The following GALNT14 variants were observed in gnomAD, a reference collection of about 807,000 sequenced individuals.
GALNT14 encodes the protein polypeptide N-acetylgalactosaminyltransferase 14, also known as UDP-GalNAc:polypeptide N-acetylgalactosaminyltransferase 14.
In GALNT14, 60 loss-of-function variants were observed where a neutral mutation model predicts 77.5. The ratio of observed to expected loss-of-function variants is 0.77; its 90% CI spans 0.63 to 0.96. GALNT14 has a LOEUF of 0.96. GALNT14 is among the 40% of genes least tolerant of loss of function. The pLI, the probability that GALNT14 is intolerant of heterozygous loss-of-function variation, is 0.00. For synonymous variants in GALNT14, 280 were observed against 281.7 expected, an observed-to-expected ratio of 0.99 and a Z score of 0.06; for missense variants, 710 against 731.0, an observed-to-expected ratio of 0.97 and a Z score of 0.33.
At chr2:31,052,521 G>A (rs1223620114) in intron 1 of GALNT14, among the ~76,000 whole-genome samples, 3 of 152,122 alleles carry the variant, frequency 2.0e-5, no homozygotes, top group Admixed American at 6.5e-5. Context: ...GGCCTCCTGC[G>A]GGACACCAGA....
In GALNT14 at chr2:30,985,874, T is replaced by C. The variant is rs376064245; in HGVS notation, c.299+6964A>G. ...CTAACGCTGTGCTGAGCTAGTGGAA[T>C]AGCCTTGACTCTGAGGGAATATGAA... On this transcript the variant is annotated intron_variant, in intron 2 of 14. Coordinates refer to ENST00000349752, the MANE Select transcript of GALNT14 (RefSeq NM_024572.4). Among the ~76,000 whole-genome samples, 49 of 152,314 alleles carry C rather than the reference T, an allele frequency of 3.2e-4. 1 individual carries two copies. The East Asian group carries it at 5.0e-3, about 16-fold the overall frequency.
At chr2:31,020,632 C>G (rs1323480876) in intron 1 of GALNT14, among the ~76,000 whole-genome samples, 1 of 152,206 alleles carries the variant, frequency 6.6e-6, no homozygotes, top group African/African-American at 2.4e-5. Context: ...AATGGCCTCC[C>G]CAAGCCCAGT....
rs11314175 is a variant in GALNT14, at chr2:30,977,092, C to CTTTTTTTTTTTTTTTTTTTT, written c.300-10791_300-10790insAAAAAAAAAAAAAAAAAAAA. Among the ~76,000 whole-genome samples, 55 of 135,126 alleles carry CTTTTTTTTTTTTTTTTTTTT rather than the reference C, an allele frequency of 4.1e-4. 6 individuals are homozygous for CTTTTTTTTTTTTTTTTTTTT. The highest frequency in any genetic ancestry group is 1.5e-3 in the African/African-American group (48 of 32,574). The allele number at this position is 135,126 out of a possible 152,430, so 88.6% of individuals were successfully genotyped here. A position where few individuals can be genotyped will look rare whatever the true frequency, so the allele number is the denominator to read the frequency against. The stretch of plus-strand genomic sequence containing the variant: ...CTTTATTCCATATTGGCTTTTCTGT[C>CTTTTTTTTTTTTTTTTTTTT]TTTTTTTTTTTTTTTGAGACAGGGT... On this transcript the variant is annotated intron_variant, in intron 2 of 14. Transcript: ENST00000349752.
chr2:31,044,608 T>A (rs1182409329), intron 1 of GALNT14, among the ~76,000 whole-genome samples: 1 of 152,104 alleles, frequency 6.6e-6, no homozygotes, highest in East Asian at 1.9e-4. Context: ...TGCTTTTGGA[T>A]AGACAGAAGT....
chr2:31,047,049 G>T (rs1441539281), intron 1 of GALNT14, among the ~76,000 whole-genome samples: 2 of 152,144 alleles, frequency 1.3e-5, no homozygotes, highest in African/African-American at 4.8e-5. Context: ...CTCCTGTGTG[G>T]GGTGTAATCT....
chr2:31,063,466 T>C (rs1420507990), intron 1 of GALNT14, among the ~76,000 whole-genome samples: 1 of 152,218 alleles, frequency 6.6e-6, no homozygotes, highest in Non-Finnish European at 1.5e-5. Flanking sequence ...ACTGTAATCT[T>C]GTAGTATAGT....
chr2:31,108,225 T>C (rs1407717868), intron 1 of GALNT14, among the ~76,000 whole-genome samples: 1 of 152,070 alleles, frequency 6.6e-6, no homozygotes, highest in Non-Finnish European at 1.5e-5. Flanking sequence ...ATGGACAACA[T>C]CAAATCACCA....
intron 1 of GALNT14, among the ~76,000 whole-genome samples, chr2:31,060,141 T>C (rs938483875): frequency 6.6e-6 from 1 of 152,188 alleles, no homozygotes; most frequent in Non-Finnish European, 1.5e-5. Context: ...GAAGGTTGCA[T>C]AGCCTGCCCA....
chr2:31,019,857 T>C (rs1480863015), intron 1 of GALNT14, among the ~76,000 whole-genome samples: 4 of 152,204 alleles, frequency 2.6e-5, no homozygotes, highest in African/African-American at 9.7e-5. Context: ...GAAAGGATAC[T>C]GTAAAAGTGC....
At chr2:30,907,593 A>T (rs1475387768), downstream of GALNT14, among the ~76,000 whole-genome samples, 4 of 152,196 alleles carry the variant, frequency 2.6e-5, no homozygotes, top group African/African-American at 9.7e-5. Context: ...AAAAGAGTCC[A>T]GGACCAGATG....
At position 31,059,427 on chromosome 2, in the gene GALNT14, A is replaced by C. The variant is rs562709131; in HGVS notation, c.130-66420T>G. ...GGCTAATGAACACTATGATCTGAACATCTGTGTCCCCCTAAAATTCATATA... is the reference window on the plus strand; with the variant it reads ...GGCTAATGAACACTATGATCTGAACCTCTGTGTCCCCCTAAAATTCATATA... On this transcript the variant is annotated intron_variant, in intron 1 of 14. Transcript: ENST00000349752. 4.6e-5 allele frequency among the ~76,000 whole-genome samples: 7 copies of C among 152,332 alleles called. No homozygotes were observed. The East Asian group carries it at 1.3e-3, about 29-fold the overall frequency.
chr2:31,020,593 G>C (rs1269457674), intron 1 of GALNT14, among the ~76,000 whole-genome samples: 1 of 152,070 alleles, frequency 6.6e-6, no homozygotes, highest in Admixed American at 6.5e-5. Flanking sequence ...TTTAATCTTC[G>C]ACTCCTCAAC....
intron 3 of GALNT14, 57 bp from the exon 4 acceptor site, chr2:30,958,521 C>T: frequency 2.2e-6 from 3 of 1,385,102 alleles, no homozygotes; most frequent in Non-Finnish European, 3.1e-6. Context: ...AATATATGTA[C>T]TAACCCGAGT....
At chr2:31,128,786 C>T (rs1678827750) in intron 1 of GALNT14, among the ~76,000 whole-genome samples, 1 of 152,176 alleles carries the variant, frequency 6.6e-6, no homozygotes, top group South Asian at 2.1e-4. Context: ...CCAGCTCTTT[C>T]CACTCCAGAA....
chr2:31,001,160 C>T lies in GALNT14; in HGVS notation c.130-8153G>A, dbSNP rs76387051. ...CCAGCTCTGGCTACCTGATACCCCT[C>T]AGAGTGCCCTTGCTTTCCACTAGCT... On this transcript the variant is annotated intron_variant, in intron 1 of 14. Transcript: ENST00000349752. 7.9e-5 allele frequency among the ~76,000 whole-genome samples: 12 copies of T among 152,270 alleles called. No individual in the cohort carries two copies. In the East Asian group the frequency reaches 1.9e-3, roughly 25 times the overall value.
chr2:30,958,359 C>T (rs1368815342), intron 4 of GALNT14, 38 bp downstream of exon 4: 16 of 1,571,858 alleles, frequency 1.0e-5, no homozygotes, highest in Admixed American at 5.0e-5. Context: ...TGGGAACAGA[C>T]ATTCGTGTCT....
intron 1 of GALNT14, among the ~76,000 whole-genome samples, chr2:31,077,748 A>G (rs1403997927): frequency 6.6e-6 from 1 of 152,202 alleles, no homozygotes; most frequent in African/African-American, 2.4e-5. Flanking sequence ...GAAAATACAC[A>G]TATTTCTCAC....
chr2:30,984,154 C>A (rs1011818158), intron 2 of GALNT14, among the ~76,000 whole-genome samples: 2 of 152,206 alleles, frequency 1.3e-5, no homozygotes, highest in Non-Finnish European at 2.9e-5. Context: ...CTAAGACTAG[C>A]TCCTGCTTCT....
chr2:31,017,425 A>T (rs556613682), intron 1 of GALNT14, among the ~76,000 whole-genome samples: 1 of 152,370 alleles, frequency 6.6e-6, no homozygotes, highest in African/African-American at 2.4e-5. Flanking sequence ...TACATATAAC[A>T]GAGTACCCAT....
Sources: gnomAD v4.1 joint callset for allele counts (sites outside exome capture counted in the v4.1 genomes callset) on GRCh38, gnomAD v4.1.1 for gene constraint, MANE v1.5 for transcripts, NCBI Gene and HGNC (gene_info 2026-07-23, HGNC 2026-07-21) for gene names.